ERC2: variants seen among roughly 807,000 people sequenced by gnomAD.
ERC2 encodes ERC protein 2.
In ERC2, 42 loss-of-function variants were observed where a neutral mutation model predicts 114.8. The observed-to-expected ratio is 0.37, with a 90% confidence interval of 0.29 to 0.47. The LOEUF (loss-of-function observed/expected upper bound fraction) is 0.47. Among genes scored for constraint, ERC2 ranks in the 20% least tolerant of loss-of-function variants. The probability of loss-of-function intolerance (pLI) is 0.99; values close to 1 mark genes in which losing one functional copy is unlikely to be tolerated. For synonymous variants in ERC2, 454 were observed against 425.5 expected (o/e 1.07, Z -0.82); for missense variants, 939 against 1,150.7 (o/e 0.82, Z 2.66).
At position 55,913,288 on chromosome 3, in the gene ERC2, A is replaced by G. The variant is rs114218051; in HGVS notation, c.2404-24739T>C. 6.1e-3 allele frequency among the ~76,000 whole-genome samples: 931 copies of G among 152,306 alleles called. 15 individuals are homozygous for G. Among genetic ancestry groups the G allele is most frequent in the African/African-American group, 0.022 (895 of 41,568 alleles). ...TTTTTTCATGGCCACAGTGTAATCTATAAGAATCACCTCCTGGGGGTCTTA... is the reference window on the plus strand; with the variant it reads ...TTTTTTCATGGCCACAGTGTAATCTGTAAGAATCACCTCCTGGGGGTCTTA... On this transcript the variant is annotated intron_variant, in intron 13 of 17. Transcript: ENST00000288221.
At chr3:56,043,585 C>A (rs904015099) in intron 7 of ERC2, among the ~76,000 whole-genome samples, 5 of 152,060 alleles carry the variant, frequency 3.3e-5, no homozygotes, top group Admixed American at 2.6e-4. Flanking sequence ...CTTTTAAAAT[C>A]TTTAAACTCT....
chr3:56,460,976 A>AAG (rs1167624122), intron 1 of ERC2, among the ~76,000 whole-genome samples: 61 of 151,338 alleles, frequency 4.0e-4, no homozygotes, highest in African/African-American at 1.1e-3. Flanking sequence ...AAAAAAAAAA[A>AAG]AAAAAGCAAG....
intron 12 of ERC2, among the ~76,000 whole-genome samples, chr3:55,984,202 C>T (rs962843961): frequency 1.3e-5 from 2 of 152,042 alleles, no homozygotes; most frequent in African/African-American, 4.8e-5. Context: ...CACACCCTGC[C>T]CCTTGTCCAG....
chr3:55,938,798 C>T (rs991923982), intron 13 of ERC2, among the ~76,000 whole-genome samples: 2 of 152,048 alleles, frequency 1.3e-5, no homozygotes, highest in Admixed American at 6.6e-5. Flanking sequence ...TAACATGAGC[C>T]TAGAGCACTA....
chr3:56,411,463 C>A (rs929372267), intron 2 of ERC2, among the ~76,000 whole-genome samples: 1 of 151,916 alleles, frequency 6.6e-6, no homozygotes, highest in African/African-American at 2.4e-5. Flanking sequence ...CATTTAGATA[C>A]CCTAATTTAA....
At chr3:55,615,976 C>T (rs138393616) in intron 17 of ERC2, among the ~76,000 whole-genome samples, 48 of 152,182 alleles carry the variant, frequency 3.2e-4, no homozygotes, top group East Asian at 9.6e-4. Flanking sequence ...AGTCTTCCAA[C>T]GACAAACTCC....
intron 3 of ERC2, among the ~76,000 whole-genome samples, chr3:56,190,215 G>A (rs1260208489): frequency 2.0e-5 from 3 of 152,142 alleles, no homozygotes; most frequent in African/African-American, 7.2e-5. Context: ...ACTGACTTTT[G>A]AACATTTTAT....
chr3:55,759,462 TA>T (rs540204065), intron 14 of ERC2, among the ~76,000 whole-genome samples: 2 of 36,076 alleles, frequency 5.5e-5, no homozygotes, highest in African/African-American at 1.0e-4. Context: ...TCTCTTTCAT[TA>T]AAAAAAAAAA....
chr3:55,545,981 T>C (rs767630680), intron 17 of ERC2, among the ~76,000 whole-genome samples: 21 of 152,174 alleles, frequency 1.4e-4, no homozygotes, highest in Admixed American at 4.6e-4. Context: ...TACTCAGTAA[T>C]GCTGTGAGAA....
At chr3:56,417,779 G>T (rs1053665624) in intron 2 of ERC2, among the ~76,000 whole-genome samples, 3 of 152,264 alleles carry the variant, frequency 2.0e-5, no homozygotes, top group South Asian at 2.1e-4. Context: ...ACACCATGTT[G>T]CCAGTTCTGC....
chr3:56,366,133 A>G (rs1449178602), intron 2 of ERC2, among the ~76,000 whole-genome samples: 1 of 152,004 alleles, frequency 6.6e-6, no homozygotes, highest in African/African-American at 2.4e-5. Flanking sequence ...CCCCAAACCA[A>G]TCATGTAAGA....
intron 17 of ERC2, among the ~76,000 whole-genome samples, chr3:55,516,351 T>G (rs1279974365): frequency 6.6e-6 from 1 of 152,220 alleles, no homozygotes; most frequent in Non-Finnish European, 1.5e-5. Flanking sequence ...TCATGAAGAT[T>G]TATTTATTAT....
chr3:56,364,364 T>C (rs1349641385), intron 2 of ERC2, among the ~76,000 whole-genome samples: 1 of 152,214 alleles, frequency 6.6e-6, no homozygotes, highest in Non-Finnish European at 1.5e-5. Context: ...TACCATTAGA[T>C]TGCACACTTA....
At chr3:55,601,830 C>CA (rs1165064938) in intron 17 of ERC2, among the ~76,000 whole-genome samples, 2 of 152,148 alleles carry the variant, frequency 1.3e-5, no homozygotes, top group African/African-American at 4.8e-5. Context: ...GATCCTATCT[C>CA]AAACAACAAA....
At chr3:56,284,824 C>A (rs2150330526) in intron 3 of ERC2, among the ~76,000 whole-genome samples, 1 of 151,956 alleles carries the variant, frequency 6.6e-6, no homozygotes, top group East Asian at 1.9e-4. Context: ...AAAACACCAC[C>A]CCCAACCCCT....
Position 56,435,011 on chromosome 3 carries a change from T to G in ERC2, c.-4A>C. 1 of 1,601,508 alleles carries G rather than the reference T, an allele frequency of 6.2e-7. No individual in the cohort carries two copies. The highest frequency in any genetic ancestry group is 8.5e-7 in the Non-Finnish European group (1 of 1,176,756). On this transcript the variant is annotated 5_prime_UTR_variant, in exon 2 of 18. Transcript: ENST00000288221. Reference sequence around the variant, plus strand: ...TTGTTCTTGCACTTCCATACATTTTTCTTGTATTATGAGGTGTTACTGAAG... The same window carrying G: ...TTGTTCTTGCACTTCCATACATTTTGCTTGTATTATGAGGTGTTACTGAAG...
At chr3:56,402,656 T>G (rs1576781822) in intron 2 of ERC2, among the ~76,000 whole-genome samples, 1 of 152,238 alleles carries the variant, frequency 6.6e-6, no homozygotes, top group Non-Finnish European at 1.5e-5. Flanking sequence ...TAGCTGAAAC[T>G]TCGGCAATAT....
At chr3:55,749,144 A>G (rs2066501047) in intron 14 of ERC2, among the ~76,000 whole-genome samples, 1 of 152,190 alleles carries the variant, frequency 6.6e-6, no homozygotes, top group Non-Finnish European at 1.5e-5. Flanking sequence ...AGGAACCCAG[A>G]GAAGTGACAG....
At chr3:55,795,438 G>A (rs2070394856) in intron 14 of ERC2, among the ~76,000 whole-genome samples, 1 of 152,176 alleles carries the variant, frequency 6.6e-6, no homozygotes, top group South Asian at 2.1e-4. Context: ...GGATCCTGCT[G>A]TCATAAAACC....
Sources: gnomAD v4.1 joint callset for allele counts (sites outside exome capture counted in the v4.1 genomes callset) on GRCh38, gnomAD v4.1.1 for gene constraint, MANE v1.5 for transcripts, NCBI Gene and HGNC (gene_info 2026-07-23, HGNC 2026-07-21) for gene names.